Variants in SGPP2 observed in about 807,000 individuals in gnomAD.
The protein encoded by SGPP2 is sphingosine-1-phosphate phosphatase 2.
SGPP2 carries 30 observed loss-of-function variants against 33.9 expected under a neutral mutation model. The observed-to-expected ratio is 0.89, with a 90% confidence interval of 0.66 to 1.20. The LOEUF is 1.20. Ranked by LOEUF, SGPP2 falls within the 50% of genes most tolerant of loss-of-function variation. SGPP2 has a pLI of 0.00. For synonymous variants in SGPP2, 233 were observed against 225.0 expected (o/e 1.04, Z -0.32); for missense variants, 458 against 532.1 (o/e 0.86, Z 1.37).
At chr2:222,478,601 T>G (rs369801224) in intron 2 of SGPP2, among the ~76,000 whole-genome samples, 1 of 152,210 alleles carries the variant, frequency 6.6e-6, no homozygotes, top group Admixed American at 6.5e-5. Flanking sequence ...CTTGAAGTCT[T>G]GTAACTGAAC....
rs565230728 is a variant in SGPP2 at position 222,455,961 on chromosome 2, C to T, written c.220-18607C>T. On this transcript the variant is annotated intron_variant, in intron 1 of 4. Coordinates refer to ENST00000321276, the MANE Select transcript of SGPP2 (RefSeq NM_152386.4). ...GGGTGTGGTGACATGTGTCTATAGTCGCAGCAACTTGGGAGGCTAAGGTGG... is the reference window on the plus strand; with the variant it reads ...GGGTGTGGTGACATGTGTCTATAGTTGCAGCAACTTGGGAGGCTAAGGTGG... Among the ~76,000 whole-genome samples, 6 of 151,968 alleles carry T rather than the reference C, an allele frequency of 3.9e-5. No individual in the cohort carries two copies. The South Asian group carries it at 8.3e-4, about 21-fold the overall frequency.
intron 3 of SGPP2, 64 bp from the exon 4 acceptor site, chr2:222,524,880 T>C: frequency 7.9e-7 from 1 of 1,267,530 alleles, no homozygotes; most frequent in Non-Finnish European, 1.1e-6. Context: ...TTCCCACCTA[T>C]GACATCAAAT....
chr2:222,491,510 T>C (rs531488285), intron 2 of SGPP2, among the ~76,000 whole-genome samples: 72 of 152,212 alleles, frequency 4.7e-4, no homozygotes, highest in African/African-American at 1.7e-3. Context: ...TAGAGGAAAC[T>C]GCATTATAAA....
At chr2:222,533,962 AG>A (rs1199489763) in intron 4 of SGPP2, among the ~76,000 whole-genome samples, 1 of 152,132 alleles carries the variant, frequency 6.6e-6, no homozygotes, top group East Asian at 1.9e-4. Flanking sequence ...CCGTGCGAGC[AG>A]TGGCTCTGAT....
intron 2 of SGPP2, among the ~76,000 whole-genome samples, chr2:222,488,501 C>G (rs1266966739): frequency 6.6e-6 from 1 of 152,192 alleles, no homozygotes; most frequent in African/African-American, 2.4e-5. Context: ...AAAGCATCTT[C>G]CCTCACCCCT....
rs1689548386 is a variant in SGPP2 at position 222,561,877 on chromosome 2, C to T, written c.*2979C>T. 1.3e-5 allele frequency among the ~76,000 whole-genome samples: 2 copies of T among 151,820 alleles called. No homozygotes were observed. Among genetic ancestry groups the T allele is most frequent in the Admixed American group, 6.6e-5 (1 of 15,242 alleles). On this transcript the variant is annotated 3_prime_UTR_variant, in exon 5 of 5. Transcript: ENST00000321276. ...TGATTCACACCCTTGTCTTGCTAGC[C>T]CTCTTCCATTCATTTCTCACACAGC...
At position 222,558,508 on chromosome 2, in the gene SGPP2, C is replaced by G; in HGVS notation, c.810C>G (p.Tyr270Ter). 1 of 1,614,184 alleles carries G rather than the reference C, an allele frequency of 6.2e-7. No individual in the cohort carries two copies. The highest frequency in any genetic ancestry group is 8.5e-7 in the Non-Finnish European group (1 of 1,180,024). Residue 270 changes from tyrosine (Y) to a stop codon, truncating the protein, a stop_gained, in exon 5 of 5, where the codon TAC becomes TAG. Coordinates refer to ENST00000321276, the MANE Select transcript of SGPP2 (RefSeq NM_152386.4). LOFTEE classifies it high-confidence loss of function. ...LCYNYPVSDYYSPTRADTTTI... is the reference protein window; with the variant it reads ...LCYNYPVSDY ...ACAATTACCCTGTTTCTGATTACTA[C>G]AGCCCAACCCGGGCGGACACCACCA...
At chr2:222,466,521 G>A (rs1697748987) in intron 1 of SGPP2, among the ~76,000 whole-genome samples, 1 of 152,120 alleles carries the variant, frequency 6.6e-6, no homozygotes, top group African/African-American at 2.4e-5. Context: ...GCCTCCCAAA[G>A]TGCTGGGATT....
intron 3 of SGPP2, among the ~76,000 whole-genome samples, chr2:222,522,720 T>C (rs1698705274): frequency 6.6e-6 from 1 of 152,210 alleles, no homozygotes; most frequent in South Asian, 2.1e-4. Flanking sequence ...TCTCTGTTGC[T>C]GGGGCTGGAG....
intron 1 of SGPP2, among the ~76,000 whole-genome samples, chr2:222,473,940 A>G (rs1158582619): frequency 6.6e-6 from 1 of 151,772 alleles, no homozygotes; most frequent in African/African-American, 2.4e-5. Flanking sequence ...AAAAAAAAGA[A>G]TATCAAAATA....
At chr2:222,449,139 G>C (rs1359903872) in intron 1 of SGPP2, among the ~76,000 whole-genome samples, 3 of 152,184 alleles carry the variant, frequency 2.0e-5, no homozygotes, top group Non-Finnish European at 4.4e-5. Context: ...CCTTCCCACT[G>C]TGCGTTCTGT....
Position 222,424,657 on chromosome 2 carries a change from C to T in SGPP2, c.55C>T (p.Arg19Cys), listed in dbSNP as rs2106049641. ...QDSQLVARFQ[R>C]RCGLFPAPDE... ...TTCCCAGCTCGTCGCCCGCTTCCAG[C>T]GCCGCTGCGGGCTCTTCCCCGCTCC... Residue 19 changes from arginine (R) to cysteine (C), a missense_variant, in exon 1 of 5, where the codon CGC (arginine) becomes TGC (cysteine). Transcript: ENST00000321276. 7.0e-7 allele frequency: 1 copy of T among 1,436,088 alleles called. No homozygotes were observed. Among genetic ancestry groups the T allele is most frequent in the South Asian group, 1.4e-5 (1 of 73,464 alleles). The allele number at this position is 1,436,088 out of a possible 1,614,324, so 89.0% of individuals were successfully genotyped here.
chr2:222,536,135 G>A lies in SGPP2; in HGVS notation c.648+11102G>A, dbSNP rs1698912246. 2.0e-5 allele frequency among the ~76,000 whole-genome samples: 3 copies of A among 152,132 alleles called. No homozygotes were observed. The South Asian group carries it at 6.2e-4, about 32-fold the overall frequency. On this transcript the variant is annotated intron_variant, in intron 4 of 4. Transcript: ENST00000321276. The stretch of plus-strand genomic sequence containing the variant: ...CTCCGTTTGCTTCTTTCTTTTATTA[G>A]GTGCTTGCCTTTTGGATTATATAGT...
At chr2:222,524,733 C>T (rs1018623592) in intron 3 of SGPP2, among the ~76,000 whole-genome samples, 1 of 152,224 alleles carries the variant, frequency 6.6e-6, no homozygotes, top group African/African-American at 2.4e-5. Flanking sequence ...GAAACTTCCT[C>T]CCAGAACTGT....
rs1689533478 is a variant in SGPP2 at position 222,561,271 on chromosome 2, ACAGGTACTCC to A, written c.*2377_*2386del. On this transcript the variant is annotated 3_prime_UTR_variant, in exon 5 of 5. Transcript: ENST00000321276. ...CAACTCAGGGGAAGGGCCTTAGCTT[ACAGGTACTCC>A]CAGCCTTCATCTGCCCCTGCAGAGC... 6.6e-6 allele frequency among the ~76,000 whole-genome samples: 1 copy of A among 152,112 alleles called. No individual in the cohort carries two copies. Among genetic ancestry groups the A allele is most frequent in the East Asian group, 1.9e-4 (1 of 5,194 alleles).
chr2:222,511,793 A>G (rs958000565), intron 2 of SGPP2, among the ~76,000 whole-genome samples: 1 of 151,978 alleles, frequency 6.6e-6, no homozygotes. Flanking sequence ...TCCTCCCACC[A>G]CAGCCTCCTG....
chr2:222,476,238 C>T lies in SGPP2; in HGVS notation c.378+1512C>T, dbSNP rs537750191. Among the ~76,000 whole-genome samples, 8 of 152,128 alleles carry T rather than the reference C, an allele frequency of 5.3e-5. No individual in the cohort carries two copies. In the East Asian group the frequency reaches 1.4e-3, roughly 26 times the overall value. On this transcript the variant is annotated intron_variant, in intron 2 of 4. Coordinates refer to ENST00000321276, the MANE Select transcript of SGPP2 (RefSeq NM_152386.4). The surrounding 1 kb of genome is among the most constrained non-coding windows in gnomAD (Gnocchi z 4.3). Reference sequence around the variant, plus strand: ...GTAGAACAAGTAGAATGGACTTGATCAGGGGTCATAAATTCGAATGTTCTC... The same window carrying T: ...GTAGAACAAGTAGAATGGACTTGATTAGGGGTCATAAATTCGAATGTTCTC...
rs376828886 is a variant in SGPP2, at chr2:222,510,239, C to G, written c.379-11528C>G. Among the ~76,000 whole-genome samples the G allele has an allele frequency of 6.6e-5, 10 of 152,256 alleles. No homozygotes were observed. In the East Asian group the frequency reaches 1.4e-3, roughly 21 times the overall value. The stretch of plus-strand genomic sequence containing the variant: ...GCTTTCCATTCTCTTAGGGATACAC[C>G]TAGGAGTGGAATGGATGAGTGTCTG... On this transcript the variant is annotated intron_variant, in intron 2 of 4. Transcript: ENST00000321276.
chr2:222,464,351 A>G (rs1444996378), intron 1 of SGPP2, among the ~76,000 whole-genome samples: 1 of 152,250 alleles, frequency 6.6e-6, no homozygotes, highest in Non-Finnish European at 1.5e-5. Flanking sequence ...AGAAGTTCAC[A>G]TTCCTGGTCT....
Sources: allele counts gnomAD v4.1 joint callset (sites outside exome capture counted in the v4.1 genomes callset), GRCh38; gene constraint gnomAD v4.1.1; non-coding constraint Gnocchi (gnomAD v3.1); transcripts MANE v1.5; gene names NCBI Gene and HGNC (gene_info 2026-07-23, HGNC 2026-07-21).